Variants in GLS observed in about 807,000 individuals in gnomAD.
The protein encoded by GLS is glutaminase kidney isoform, mitochondrial.
A neutral mutation model predicts 86.7 loss-of-function variants in GLS; 36 were observed. The observed-to-expected ratio is 0.42, with a 90% CI of 0.32 to 0.55. GLS has a LOEUF of 0.55. GLS is among the 20% of genes least tolerant of loss of function. The pLI, the probability that GLS is intolerant of heterozygous loss-of-function variation, is 0.17. For missense variants in GLS, 528 were observed against 833.4 expected (o/e 0.63, Z 4.51); for synonymous variants, 317 against 305.9 (o/e 1.04, Z -0.38).
At chr2:190,934,624 A>T in intron 14 of GLS, 3 of 984,482 alleles carry the variant, frequency 3.0e-6, no homozygotes, top group Non-Finnish European at 3.6e-6. Flanking sequence ...TATGATCTAA[A>T]TTGTTACATT....
At chr2:190,942,105 A>G (rs1329287298) in intron 14 of GLS, among the ~76,000 whole-genome samples, 4 of 37,972 alleles carry the variant, frequency 1.1e-4, no homozygotes, top group South Asian at 1.2e-3. Context: ...TTTGAGACGG[A>G]GTCTTGCTCT....
At chr2:190,961,687 C>CT (rs1691004009) in intron 17 of GLS, among the ~76,000 whole-genome samples, 2 of 61,804 alleles carry the variant, frequency 3.2e-5, no homozygotes, top group Admixed American at 4.3e-4. Flanking sequence ...CTTAATTCAG[C>CT]TGTTTTTTTT....
At chr2:190,933,290 A>C in intron 14 of GLS, 1 of 912,360 alleles carries the variant, frequency 1.1e-6, no homozygotes, top group Non-Finnish European at 1.3e-6. Context: ...CTTTAGTGGC[A>C]ATAGAAGGTA....
rs535566055 is a variant in GLS at position 190,951,300 on chromosome 2, G to A, written c.1651-2265G>A. 7.9e-5 allele frequency among the ~76,000 whole-genome samples: 12 copies of A among 152,214 alleles called. 1 individual carries two copies. The highest frequency in any genetic ancestry group is 6.8e-3 in the Middle Eastern group (2 of 294). On this transcript the variant is annotated intron_variant, in intron 14 of 17. Coordinates refer to ENST00000320717, the MANE Select transcript of GLS (RefSeq NM_014905.5). The surrounding 1 kb of genome is among the most constrained non-coding windows in gnomAD (Gnocchi z 4.2). ...GGAAGCTGCTGGAGCTTTGGAGAGC[G>A]CTGTTTAGAGGTAACAATGAGTGTG...
In GLS at chr2:190,954,813, G is replaced by A. The variant is rs369965105; in HGVS notation, c.1848G>A (p.Lys616=). The A allele has an allele frequency of 1.8e-5, 29 of 1,607,018 alleles. No individual in the cohort carries two copies. The African/African-American group carries it at 3.5e-4, about 19-fold the overall frequency. The change falls in exon 17 of 18, where the codon AAG becomes AAA. Residue 616 remains lysine, a synonymous_variant. Transcript: ENST00000320717. The surrounding 1 kb of genome is among the most constrained non-coding windows in gnomAD (Gnocchi z 4.0). ...CCTGCAAAGTAAACCCTTTCCCCAA[G>A]GACAGGTGAGCACTTATGTTACCTT... ...LEACKVNPFP[K]DRWNNTPMDE... is the part of the protein sequence containing the mutation.
At chr2:190,904,957 T>G (rs756713689) in intron 5 of GLS, 47 bp from the exon 6 acceptor site, 7 of 1,090,804 alleles carry the variant, frequency 6.4e-6, no homozygotes, top group Non-Finnish European at 9.7e-6. Flanking sequence ...TGCAGTTACA[T>G]TTTTTTCCCA....
At position 190,965,194 on chromosome 2, in the gene GLS, C is replaced by G. The variant is rs972941504; in HGVS notation, c.*2208C>G. ...GTGCTTTTTCTGTATCCTGAGCGCT[C>G]TATATGATCATGTTAATTTAAAGCT... On this transcript the variant is annotated 3_prime_UTR_variant, in exon 18 of 18. Coordinates refer to ENST00000320717, the MANE Select transcript of GLS (RefSeq NM_014905.5). The surrounding 1 kb of genome is among the most constrained non-coding windows in gnomAD (Gnocchi z 5.0). 10 of 152,534 alleles carry G rather than the reference C, an allele frequency of 6.6e-5. No individual in the cohort carries two copies. The highest frequency in any genetic ancestry group is 1.9e-4 in the African/African-American group (8 of 41,414). The allele number at this position is 152,534 out of a possible 1,614,324, so 9.4% of individuals were successfully genotyped here.
intron 14 of GLS, among the ~76,000 whole-genome samples, chr2:190,941,671 G>A (rs992890365): frequency 3.9e-5 from 6 of 152,084 alleles, no homozygotes; most frequent in African/African-American, 1.4e-4. Context: ...AGTGTTAATA[G>A]GCTAGTCTGA....
Position 190,963,006 on chromosome 2 carries a change from T to C in GLS, c.*20T>C. ...TTGTAATGGTCTCAAATCCCAAGAT[T>C]TAAATCACTTACCTATTTAATTGTG... On this transcript the variant is annotated 3_prime_UTR_variant, in exon 18 of 18. Coordinates refer to ENST00000320717, the MANE Select transcript of GLS (RefSeq NM_014905.5). 6.6e-7 allele frequency: 1 copy of C among 1,523,962 alleles called. No individual in the cohort carries two copies. The highest frequency in any genetic ancestry group is 8.9e-7 in the Non-Finnish European group (1 of 1,119,192). The allele number at this position is 1,523,962 out of a possible 1,614,324, so 94.4% of individuals were successfully genotyped here.
chr2:190,888,694 C>G (rs1256907321), intron 1 of GLS, among the ~76,000 whole-genome samples: 1 of 152,166 alleles, frequency 6.6e-6, no homozygotes, highest in Non-Finnish European at 1.5e-5. Context: ...TAGCCCTACA[C>G]TAAAATATAT....
At position 190,924,635 on chromosome 2, in the gene GLS, G is replaced by A. The variant is rs764350224; in HGVS notation, c.1248+42G>A. The A allele has an allele frequency of 6.1e-5, 67 of 1,091,496 alleles. No individual in the cohort carries two copies. In the Admixed American group the frequency reaches 9.7e-4, roughly 16 times the overall value. The allele number at this position is 1,091,496 out of a possible 1,614,324, so 67.6% of individuals were successfully genotyped here. ...AATCGTATATATAAATGGATGTGTC[G>A]GCTGGGCACGGTGGCTCACGCCTGT... On this transcript the variant is annotated intron_variant, in intron 11 of 17. Coordinates refer to ENST00000320717, the MANE Select transcript of GLS (RefSeq NM_014905.5). The surrounding 1 kb of genome is among the most constrained non-coding windows in gnomAD (Gnocchi z 5.2).
Position 190,920,903 on chromosome 2 carries a change from C to A in GLS, c.1039-121C>A. On this transcript the variant is annotated intron_variant, in intron 7 of 17. Coordinates refer to ENST00000320717, the MANE Select transcript of GLS (RefSeq NM_014905.5). This position sits in a 1 kb window ranked among gnomAD's most constrained non-coding sequence, Gnocchi z 4.2. ...TGTTAAATTACTTTAGAACTATTTC[C>A]TAGATTTAAAAATACTAATGCAGTA... 1 of 573,670 alleles carries A rather than the reference C, an allele frequency of 1.7e-6. No homozygotes were observed. Among genetic ancestry groups the A allele is most frequent in the South Asian group, 2.5e-5 (1 of 39,794 alleles). The allele number at this position is 573,670 out of a possible 1,614,324, so 35.5% of individuals were successfully genotyped here. A position where few individuals can be genotyped will look rare whatever the true frequency, so the allele number is the denominator to read the frequency against.
intron 14 of GLS, among the ~76,000 whole-genome samples, chr2:190,950,330 G>A (rs1164260546): frequency 1.3e-5 from 2 of 152,156 alleles, no homozygotes; most frequent in Non-Finnish European, 2.9e-5. Flanking sequence ...GAAAGGCACG[G>A]GAGTTCCTTG....
intron 14 of GLS, chr2:190,932,974 G>T: frequency 8.0e-7 from 1 of 1,244,944 alleles, no homozygotes; most frequent in Non-Finnish European, 1.0e-6. Context: ...CTCAATCTTG[G>T]GTGCTGGAGC....
At position 190,895,485 on chromosome 2, in the gene GLS, T is replaced by A; in HGVS notation, c.484-119T>A. The A allele has an allele frequency of 1.5e-6, 1 of 666,662 alleles. No homozygotes were observed. The highest frequency in any genetic ancestry group is 2.5e-6 in the Non-Finnish European group (1 of 400,320). The allele number at this position is 666,662 out of a possible 1,614,324, so 41.3% of individuals were successfully genotyped here. A position where few individuals can be genotyped will look rare whatever the true frequency, so the allele number is the denominator to read the frequency against. ...GGGTAATAGTGACACTAAGATGCCATATTCATGTTCAAGTGTTGGGTAGAA... is the reference window on the plus strand; with the variant it reads ...GGGTAATAGTGACACTAAGATGCCAAATTCATGTTCAAGTGTTGGGTAGAA... On this transcript the variant is annotated intron_variant, in intron 2 of 17. Transcript: ENST00000320717. The surrounding 1 kb of genome is among the most constrained non-coding windows in gnomAD (Gnocchi z 4.2).
chr2:190,888,926 C>T (rs538891952), intron 1 of GLS, among the ~76,000 whole-genome samples: 7 of 152,142 alleles, frequency 4.6e-5, no homozygotes, highest in Non-Finnish European at 1.0e-4. Flanking sequence ...ACCACTTTAA[C>T]CATTTTTAAG....
chr2:190,956,902 CTT>C lies in GLS; in HGVS notation c.1853+2086_1853+2087del, dbSNP rs1690872676. On this transcript the variant is annotated intron_variant, in intron 17 of 17. Transcript: ENST00000320717. The surrounding 1 kb of genome is among the most constrained non-coding windows in gnomAD (Gnocchi z 4.2). ...GAGTTCACTCATGATTTGGCTCTCT[CTT>C]TGTCTATTATTGGTGTATAGGAATG... Among the ~76,000 whole-genome samples the C allele has an allele frequency of 6.6e-6, 1 of 151,950 alleles. No individual in the cohort carries two copies. The highest frequency in any genetic ancestry group is 2.1e-4 in the South Asian group (1 of 4,818).
intron 14 of GLS, among the ~76,000 whole-genome samples, chr2:190,945,133 T>C (rs1690545712): frequency 6.6e-6 from 1 of 152,220 alleles, no homozygotes; most frequent in Non-Finnish European, 1.5e-5. Context: ...GTTCTTCCAC[T>C]TACCAGCTCT....
chr2:190,934,500 T>C (rs1259299615), intron 14 of GLS: 4 of 983,136 alleles, frequency 4.1e-6, no homozygotes, highest in Non-Finnish European at 4.8e-6. Context: ...AACTGGATGC[T>C]TCTCAAGGCC....
Sources: allele counts gnomAD v4.1 joint callset (sites outside exome capture counted in the v4.1 genomes callset), GRCh38; gene constraint gnomAD v4.1.1; non-coding constraint Gnocchi (gnomAD v3.1); transcripts MANE v1.5; gene names NCBI Gene and HGNC (gene_info 2026-07-23, HGNC 2026-07-21).